The following CRISP2 variants were observed in gnomAD, a reference collection of about 807,000 sequenced individuals.
CRISP2 encodes cysteine rich secretory protein 2.
Under a neutral mutation model 31.7 loss-of-function variants are expected in CRISP2, and 29 were observed. The observed-to-expected ratio is 0.92, with a 90% CI of 0.68 to 1.25. The LOEUF is 1.25. Ranked by LOEUF, CRISP2 falls within the 50% of genes most tolerant of loss-of-function variation. The pLI, the probability that CRISP2 is intolerant of heterozygous loss-of-function variation, is 0.00. For synonymous variants in CRISP2, 111 were observed against 101.4 expected, an observed-to-expected ratio of 1.09 and a Z score of -0.57; for missense variants, 318 against 286.5, an observed-to-expected ratio of 1.11 and a Z score of -0.79.
chr6:49,698,611 G>A (rs1191893809), intron 6 of CRISP2, 104 bp from the exon 7 acceptor site: 9 of 1,171,774 alleles, frequency 7.7e-6, no homozygotes, highest in African/African-American at 1.5e-5. Flanking sequence ...GGGTCCAGCA[G>A]ATGCTAACTG....
At chr6:49,711,012 G>A (rs1767917554) in intron 3 of CRISP2, among the ~76,000 whole-genome samples, 1 of 152,078 alleles carries the variant, frequency 6.6e-6, no homozygotes, top group Admixed American at 6.6e-5. Flanking sequence ...GGGCATGGTG[G>A]CAAGTGCCTG....
intron 8 of CRISP2, among the ~76,000 whole-genome samples, chr6:49,697,392 G>A (rs1178311488): frequency 9.6e-6 from 1 of 104,558 alleles, no homozygotes; most frequent in Non-Finnish European, 1.9e-5. Context: ...ATTTGTAATG[G>A]TAATTGTGTG....
intron 7 of CRISP2, 24 bp downstream of exon 7, chr6:49,698,338 G>T (rs528078999): frequency 1.9e-6 from 3 of 1,610,902 alleles, no homozygotes; most frequent in Middle Eastern, 3.3e-4. Context: ...CTGTGACATA[G>T]GTATTTTCAT....
At chr6:49,679,401 T>C in the CRISP2 span, among the ~76,000 whole-genome samples, 3 of 152,174 alleles carry the variant, frequency 2.0e-5, no homozygotes, top group African/African-American at 7.2e-5. Context: ...CCTCTTTTTA[T>C]CATGACAAGT....
At chr6:49,708,683 G>T (rs1389524614) in intron 4 of CRISP2, among the ~76,000 whole-genome samples, 1 of 152,106 alleles carries the variant, frequency 6.6e-6, no homozygotes, top group Non-Finnish European at 1.5e-5. Flanking sequence ...AACTGTGAGA[G>T]AATAAGTTTT....
chr6:49,684,817 T>C, the CRISP2 span, among the ~76,000 whole-genome samples: 4 of 152,332 alleles, frequency 2.6e-5, no homozygotes, highest in Admixed American at 1.3e-4. Context: ...CACACACTTA[T>C]ATAGTTTTCC....
At chr6:49,707,097 G>C (rs1056518510) in intron 4 of CRISP2, among the ~76,000 whole-genome samples, 3 of 151,996 alleles carry the variant, frequency 2.0e-5, no homozygotes, top group Non-Finnish European at 2.9e-5. Flanking sequence ...TTGCTTTGTA[G>C]ATAAAAATTG....
At chr6:49,682,617 TTCTTTCTTTC>T in the CRISP2 span, among the ~76,000 whole-genome samples, 1 of 68,578 alleles carries the variant, frequency 1.5e-5, no homozygotes, top group Non-Finnish European at 2.5e-5. Context: ...CTTTCTTTCT[TTCTTTCTTTC>T]TTTCTTTCTT....
At chr6:49,691,301 T>A (rs913066042), downstream of CRISP2, among the ~76,000 whole-genome samples, 7 of 152,046 alleles carry the variant, frequency 4.6e-5, no homozygotes, top group African/African-American at 1.7e-4. Context: ...TAGGCTTAAA[T>A]ATTTTAAAAC....
At chr6:49,698,565 A>G in intron 6 of CRISP2, 58 bp from the exon 7 acceptor site, 1 of 1,530,678 alleles carries the variant, frequency 6.5e-7, no homozygotes, top group South Asian at 1.3e-5. Context: ...AAAGAAATTG[A>G]CTACACAAAC....
At chr6:49,701,504 A>G (rs867447592) in intron 4 of CRISP2, among the ~76,000 whole-genome samples, 54 of 83,254 alleles carry the variant, frequency 6.5e-4, no homozygotes, top group South Asian at 1.6e-3. Flanking sequence ...GTGTGTGTAT[A>G]TATATATATA....
At chr6:49,683,694 A>AAAAAAATAT in the CRISP2 span, among the ~76,000 whole-genome samples, 2 of 6,182 alleles carry the variant, frequency 3.2e-4, no homozygotes, top group Non-Finnish European at 7.6e-4. Context: ...AAAAAAAAAA[A>AAAAAAATAT]ATATATATAT....
Position 49,692,629 on chromosome 6 carries a change from A to G in CRISP2, c.*144T>C, listed in dbSNP as rs1764121181. ...TTTTGTAAATCATTGCCTGAAAGTGATTTCTGTGATGATCTGGGGGAGAAG... is the reference window on the plus strand; with the variant it reads ...TTTTGTAAATCATTGCCTGAAAGTGGTTTCTGTGATGATCTGGGGGAGAAG... On this transcript the variant is annotated 3_prime_UTR_variant, in exon 10 of 10. Coordinates refer to ENST00000339139, the MANE Select transcript of CRISP2 (RefSeq NM_003296.4). 1 of 736,964 alleles carries G rather than the reference A, an allele frequency of 1.4e-6. No homozygotes were observed. Among genetic ancestry groups the G allele is most frequent in the African/African-American group, 1.8e-5 (1 of 56,642 alleles). 45.7% of individuals were successfully genotyped at this position (736,964 alleles called of 1,614,324 possible).
At chr6:49,685,358 T>C in the CRISP2 span, among the ~76,000 whole-genome samples, 1 of 152,192 alleles carries the variant, frequency 6.6e-6, no homozygotes, top group South Asian at 2.1e-4. Flanking sequence ...TATGTCCTTA[T>C]TTCCTACTTC....
At chr6:49,701,852 TAA>T (rs34867234) in intron 4 of CRISP2, among the ~76,000 whole-genome samples, 19,001 of 98,222 alleles carry the variant, frequency 0.19, 2,505 homozygotes, top group Non-Finnish European at 0.27. Flanking sequence ...ATATATTATA[TAA>T]TATATATTAT....
chr6:49,703,661 T>C (rs993088226), intron 4 of CRISP2, among the ~76,000 whole-genome samples: 9 of 152,172 alleles, frequency 5.9e-5, no homozygotes, highest in East Asian at 1.9e-4. Context: ...TTTGTGTACA[T>C]TGATGGCTAA....
At position 49,702,139 on chromosome 6, in the gene CRISP2, C is replaced by CATATATA. The variant is rs751022904; in HGVS notation, c.67-1356_67-1355insTATATAT. Among the ~76,000 whole-genome samples the CATATATA allele has an allele frequency of 8.6e-4, 79 of 91,514 alleles. 4 individuals are homozygous for CATATATA. The highest frequency in any genetic ancestry group is 2.9e-3 in the East Asian group (10 of 3,494). The allele number at this position is 91,514 out of a possible 152,430, so 60.0% of individuals were successfully genotyped here. On this transcript the variant is annotated intron_variant, in intron 4 of 9. Transcript: ENST00000339139. ...TATGTATACATTATATATATGTGTA[C>CATATATA]TATATATATATATATATATATATAT...
At chr6:49,679,305 T>C in the CRISP2 span, among the ~76,000 whole-genome samples, 1 of 152,200 alleles carries the variant, frequency 6.6e-6, no homozygotes, top group Non-Finnish European at 1.5e-5. Context: ...TAGCTTTTGA[T>C]GTTTGCCACC....
downstream of CRISP2, among the ~76,000 whole-genome samples, chr6:49,690,345 C>A (rs987250561): frequency 6.6e-6 from 1 of 151,952 alleles, no homozygotes; most frequent in African/African-American, 2.4e-5. Flanking sequence ...CCAAACAAAT[C>A]CTGTGTGATC....
Sources: gnomAD v4.1 joint callset for allele counts (sites outside exome capture counted in the v4.1 genomes callset) on GRCh38, gnomAD v4.1.1 for gene constraint, MANE v1.5 for transcripts, NCBI Gene and HGNC (gene_info 2026-07-23, HGNC 2026-07-21) for gene names.